USP4: variants seen among roughly 807,000 people sequenced by gnomAD.
USP4 encodes ubiquitin carboxyl-terminal hydrolase 4.
Under a neutral mutation model 118.2 loss-of-function variants are expected in USP4, and 72 were observed. That is an observed-to-expected ratio of 0.61 (90% CI 0.50 to 0.74). The LOEUF (loss-of-function observed/expected upper bound fraction) is 0.74. Ranked by LOEUF, USP4 falls within the 30% of genes least tolerant of loss-of-function variation. USP4 has a pLI of 0.00. For synonymous variants in USP4, 415 were observed against 440.4 expected (o/e 0.94, Z 0.72); for missense variants, 1,037 against 1,185.7 (o/e 0.87, Z 1.84).
At chr3:49,321,102 G>A (rs2047494857) in intron 6 of USP4, among the ~76,000 whole-genome samples, 1 of 151,094 alleles carries the variant, frequency 6.6e-6, no homozygotes, top group African/African-American at 2.4e-5. Context: ...GTCAGCAATG[G>A]ATTGACTGCC....
chr3:49,305,667 C>T (rs765602219), intron 9 of USP4, 48 bp downstream of exon 9: 1 of 1,427,018 alleles, frequency 7.0e-7, no homozygotes, highest in African/African-American at 1.5e-5. Context: ...TGGTCCCAGG[C>T]ATCTATATAC....
intron 6 of USP4, among the ~76,000 whole-genome samples, chr3:49,319,440 G>A (rs2047476589): frequency 1.3e-5 from 2 of 151,800 alleles, no homozygotes; most frequent in South Asian, 4.2e-4. Context: ...TAGTAGAGAC[G>A]GGGTTTCACC....
chr3:49,301,550 T>C lies in USP4; in HGVS notation c.1287+834A>G, dbSNP rs545589222. Among the ~76,000 whole-genome samples, 496 of 152,146 alleles carry C rather than the reference T, an allele frequency of 3.3e-3. 2 individuals are homozygous for C. The highest frequency in any genetic ancestry group is 0.011 in the African/African-American group (469 of 41,508). ...TAAAAATACAAAAATTTGCTGGGCA[T>C]GGTGGCACGTGGCTGTAGTGCCAGC... On this transcript the variant is annotated intron_variant, in intron 10 of 21. Transcript: ENST00000265560.
rs778659347 is a variant in USP4, at chr3:49,327,762, A to G, written c.284T>C (p.Leu95Ser). Residue 95 changes from leucine to serine, a missense_variant, in exon 3 of 22, where the codon TTG becomes TCG. Transcript: ENST00000265560. ...EHLIDELDYV[L>S]VPTEAWNKLL... Reference sequence around the variant, plus strand: ...TTTATTCCACGCCTCGGTAGGGACCAATACATAGTCCAATTCATCAATTAA... The same window carrying G: ...TTTATTCCACGCCTCGGTAGGGACCGATACATAGTCCAATTCATCAATTAA... 2.5e-6 allele frequency: 4 copies of G among 1,614,052 alleles called. No individual in the cohort carries two copies. The highest frequency in any genetic ancestry group is 3.4e-6 in the Non-Finnish European group (4 of 1,179,914).
At chr3:49,338,875 C>T (rs1052444634) in intron 1 of USP4, among the ~76,000 whole-genome samples, 4 of 152,002 alleles carry the variant, frequency 2.6e-5, no homozygotes, top group African/African-American at 7.3e-5. Flanking sequence ...GGGCCGAGCA[C>T]GGTGGCTCCC....
chr3:49,335,467 AC>A lies in USP4; in HGVS notation c.229+1del, dbSNP rs757207181. 1 of 1,614,078 alleles carries A rather than the reference AC, an allele frequency of 6.2e-7. No individual in the cohort carries two copies. Among genetic ancestry groups the A allele is most frequent in the African/African-American group, 1.3e-5 (1 of 74,934 alleles). ...TAGCTAGAAAAGCAACATTTACTAT[AC>A]CTGAAAATAGCCCAGAGTTGTCTAT... On this transcript the variant is annotated splice_donor_variant, in intron 2 of 21. Coordinates refer to ENST00000265560, the MANE Select transcript of USP4 (RefSeq NM_003363.4). LOFTEE classifies it high-confidence loss of function.
At chr3:49,311,377 G>A (rs2047380913) in intron 7 of USP4, 137 bp downstream of exon 7, 3 of 931,016 alleles carry the variant, frequency 3.2e-6, no homozygotes, top group Non-Finnish European at 4.7e-6. Context: ...ATGAAATGGA[G>A]TGAGAAACTA....
At chr3:49,278,576 C>G (rs2046985710) in intron 21 of USP4, 125 bp from the exon 22 acceptor site, 1 of 1,175,088 alleles carries the variant, frequency 8.5e-7, no homozygotes, top group African/African-American at 1.5e-5. Context: ...ACCCTTCCAC[C>G]TGAGGATGGC....
chr3:49,328,350 C>G (rs537423402), intron 2 of USP4, among the ~76,000 whole-genome samples: 1 of 151,998 alleles, frequency 6.6e-6, no homozygotes, highest in Non-Finnish European at 1.5e-5. Flanking sequence ...GAGCAAGACT[C>G]CATCTCAAAA....
intron 8 of USP4, 115 bp from the exon 9 acceptor site, chr3:49,306,003 G>T: frequency 9.3e-7 from 1 of 1,079,724 alleles, no homozygotes; most frequent in Non-Finnish European, 1.3e-6. Flanking sequence ...GAGGCACTCA[G>T]GAGATTCTCT....
intron 8 of USP4, 134 bp from the exon 9 acceptor site, chr3:49,306,022 A>G: frequency 2.3e-6 from 2 of 875,880 alleles, no homozygotes; most frequent in Non-Finnish European, 3.3e-6. Flanking sequence ...CTGAAGGCTC[A>G]CGACAGTAAA....
In USP4 at chr3:49,313,185, C is replaced by A. The variant is rs138132324; in HGVS notation, c.696-1531G>T. ...GGATTATAGGTGTGAACCACCACAT[C>A]TGGACTGCTTCCCTGAATTTTAAAA... On this transcript the variant is annotated intron_variant, in intron 6 of 21. Coordinates refer to ENST00000265560, the MANE Select transcript of USP4 (RefSeq NM_003363.4). Among the ~76,000 whole-genome samples, 215 of 152,238 alleles carry A rather than the reference C, an allele frequency of 1.4e-3. 1 individual carries two copies. Among genetic ancestry groups the A allele is most frequent in the Admixed American group, 0.011 (167 of 15,274 alleles).
chr3:49,280,433 C>T (rs1000732717), intron 20 of USP4, among the ~76,000 whole-genome samples: 5 of 151,650 alleles, frequency 3.3e-5, no homozygotes, highest in Admixed American at 6.6e-5. Context: ...TGGTGGCGGG[C>T]GCCTGTAGTC....
intron 6 of USP4, chr3:49,312,031 G>C: frequency 2.7e-6 from 1 of 369,560 alleles, no homozygotes; most frequent in East Asian, 1.2e-4. Context: ...AAATGCAAAA[G>C]AAATTAGCCA....
intron 6 of USP4, chr3:49,317,015 C>T: frequency 1.2e-6 from 1 of 810,126 alleles, no homozygotes; most frequent in South Asian, 1.5e-5. Flanking sequence ...GAAGAAGACG[C>T]TCTGTGGACA....
intron 4 of USP4, among the ~76,000 whole-genome samples, chr3:49,325,396 C>A (rs562619080): frequency 6.6e-6 from 1 of 152,070 alleles, no homozygotes; most frequent in South Asian, 2.1e-4. Context: ...TGCTCTGATG[C>A]CCAGGCTGCA....
intron 3 of USP4, among the ~76,000 whole-genome samples, chr3:49,326,170 A>G (rs1306111990): frequency 6.6e-6 from 1 of 152,022 alleles, no homozygotes; most frequent in Non-Finnish European, 1.5e-5. Flanking sequence ...TACAAAAATT[A>G]GCCGGGCATG....
intron 6 of USP4, 72 bp downstream of exon 6, chr3:49,324,630 A>G (rs1470855885): frequency 7.2e-7 from 1 of 1,396,130 alleles, no homozygotes; most frequent in East Asian, 2.3e-5. Context: ...TTCTTAGTAC[A>G]AGTACTGCCT....
At chr3:49,279,413 G>A (rs1273003140) in intron 20 of USP4, among the ~76,000 whole-genome samples, 2 of 151,532 alleles carry the variant, frequency 1.3e-5, no homozygotes, top group Non-Finnish European at 2.9e-5. Context: ...GCAGAGCTGG[G>A]ATGTGAACAA....
Sources: allele counts gnomAD v4.1 joint callset (sites outside exome capture counted in the v4.1 genomes callset), GRCh38; gene constraint gnomAD v4.1.1; transcripts MANE v1.5; gene names NCBI Gene and HGNC (gene_info 2026-07-23, HGNC 2026-07-21).